SBF2: variants seen among roughly 807,000 people sequenced by gnomAD.
SBF2 encodes the protein SET binding factor 2, also known as myotubularin-related protein 13.
Under a neutral mutation model 225.2 loss-of-function variants are expected in SBF2, and 112 were observed. That is an observed-to-expected ratio of 0.50 (90% confidence interval 0.43 to 0.58). The LOEUF is 0.58. Among genes scored for constraint, SBF2 ranks in the 20% least tolerant of loss-of-function variants. The pLI is 0.00. For synonymous variants in SBF2, 763 were observed against 773.3 expected (o/e 0.99, Z 0.22); for missense variants, 1,996 against 2,206.2 (o/e 0.90, Z 1.91).
At chr11:9,808,555 C>G (rs1019743398) in intron 31 of SBF2, 1 of 410,386 alleles carries the variant, frequency 2.4e-6, no homozygotes, top group African/African-American at 2.0e-5. Flanking sequence ...ACTTTTCACT[C>G]TGGAGTGAGT....
chr11:10,188,614 A>G (rs1184290501), intron 2 of SBF2, among the ~76,000 whole-genome samples: 1 of 152,262 alleles, frequency 6.6e-6, no homozygotes, highest in African/African-American at 2.4e-5. Flanking sequence ...GTTCTAGTAC[A>G]GGATAAACAA....
At chr11:10,265,333 A>C (rs145864763) in intron 1 of SBF2, among the ~76,000 whole-genome samples, 1,634 of 152,196 alleles carry the variant, frequency 0.011, 33 homozygotes, top group African/African-American at 0.037. Context: ...TCTAATGACC[A>C]GTGATGATGA....
chr11:10,071,469 T>C (rs1950874200), intron 2 of SBF2, among the ~76,000 whole-genome samples: 1 of 152,092 alleles, frequency 6.6e-6, no homozygotes. Context: ...GGTTTCACCA[T>C]GTTAGCCAGG....
intron 2 of SBF2, among the ~76,000 whole-genome samples, chr11:10,048,251 C>A (rs529067681): frequency 1.5e-4 from 23 of 152,160 alleles, no homozygotes; most frequent in African/African-American, 5.5e-4. Flanking sequence ...ATTCCATAAC[C>A]CTATATCTCA....
chr11:9,982,097 T>TA (rs1229897729), intron 13 of SBF2, among the ~76,000 whole-genome samples: 1 of 152,246 alleles, frequency 6.6e-6, no homozygotes, highest in African/African-American at 2.4e-5. Flanking sequence ...CCTTTTAACT[T>TA]ACTGCATTTC....
intron 14 of SBF2, among the ~76,000 whole-genome samples, chr11:9,967,982 T>C (rs1470243180): frequency 5.9e-5 from 8 of 135,934 alleles, no homozygotes; most frequent in African/African-American, 2.2e-4. Context: ...TATATATATA[T>C]ATATATATAA....
chr11:9,849,746 T>C (rs763047624), intron 22 of SBF2, among the ~76,000 whole-genome samples: 2 of 152,232 alleles, frequency 1.3e-5, no homozygotes, highest in African/African-American at 4.8e-5. Flanking sequence ...TGAATATCTC[T>C]AGGGTATAAC....
intron 2 of SBF2, among the ~76,000 whole-genome samples, chr11:10,181,126 G>C (rs2135286342): frequency 6.6e-6 from 1 of 152,052 alleles, no homozygotes. Context: ...TTGGAATCTA[G>C]GGCTTAGTCT....
chr11:9,786,564 T>G (rs1852387114), intron 36 of SBF2, among the ~76,000 whole-genome samples: 2 of 152,222 alleles, frequency 1.3e-5, no homozygotes, highest in African/African-American at 4.8e-5. Context: ...CTTCTTGACC[T>G]TTCTGTAACA....
chr11:10,130,495 C>A (rs1565263938), intron 2 of SBF2, among the ~76,000 whole-genome samples: 2 of 152,126 alleles, frequency 1.3e-5, no homozygotes, highest in African/African-American at 2.4e-5. Context: ...CCCCTGTACT[C>A]TTTACTCAGT....
chr11:9,860,391 T>C (rs1185167490), intron 17 of SBF2, among the ~76,000 whole-genome samples: 2 of 151,626 alleles, frequency 1.3e-5, no homozygotes, highest in Admixed American at 6.6e-5. Flanking sequence ...GCCTCCCTAG[T>C]AGCTGTAGTA....
intron 17 of SBF2, among the ~76,000 whole-genome samples, chr11:9,887,130 AT>A (rs1353155234): frequency 6.6e-6 from 1 of 152,024 alleles, no homozygotes; most frequent in Non-Finnish European, 1.5e-5. Context: ...TTTTCATCAT[AT>A]AAAAAAAAAT....
At chr11:9,928,451 A>G (rs1864228249) in intron 16 of SBF2, among the ~76,000 whole-genome samples, 1 of 152,232 alleles carries the variant, frequency 6.6e-6, no homozygotes, top group South Asian at 2.1e-4. Flanking sequence ...GACTACAGGA[A>G]GTGTTGGAGA....
intron 28 of SBF2, among the ~76,000 whole-genome samples, chr11:9,817,761 AAAAAAAC>A (rs1213738726): frequency 3.6e-4 from 53 of 146,136 alleles, no homozygotes; most frequent in African/African-American, 1.2e-3. Flanking sequence ...AAAAAAAAAA[AAAAAAAC>A]TACAAAAAGA....
At chr11:9,939,486 C>G (rs544342263) in intron 16 of SBF2, among the ~76,000 whole-genome samples, 1 of 152,190 alleles carries the variant, frequency 6.6e-6, no homozygotes, top group Non-Finnish European at 1.5e-5. Context: ...TTGACTGATT[C>G]CTGCATCCAT....
At chr11:10,292,297 G>C (rs1354852601) in intron 1 of SBF2, among the ~76,000 whole-genome samples, 2 of 152,202 alleles carry the variant, frequency 1.3e-5, no homozygotes, top group Non-Finnish European at 2.9e-5. Context: ...GGATGACAGG[G>C]CATCAGGTCA....
intron 2 of SBF2, among the ~76,000 whole-genome samples, chr11:10,156,424 T>G (rs4556538): frequency 0.96 from 146,935 of 152,318 alleles, 71,072 homozygotes; most frequent in Middle Eastern, 1. Context: ...TTACCAGGCA[T>G]GAAGGGGCCG....
intron 16 of SBF2, among the ~76,000 whole-genome samples, chr11:9,932,878 G>T (rs924656906): frequency 7.0e-6 from 1 of 142,818 alleles, no homozygotes; most frequent in African/African-American, 2.6e-5. Context: ...GCTCTATTCA[G>T]GAGACCCATC....
intron 16 of SBF2, among the ~76,000 whole-genome samples, chr11:9,912,288 T>C (rs759898361): frequency 1.5e-4 from 19 of 130,312 alleles, no homozygotes; most frequent in Non-Finnish European, 2.9e-4. Flanking sequence ...CTCTATAAAT[T>C]TTTTTTGTTA....
Sources: gnomAD v4.1 joint callset for allele counts (sites outside exome capture counted in the v4.1 genomes callset) on GRCh38, gnomAD v4.1.1 for gene constraint, MANE v1.5 for transcripts, NCBI Gene and HGNC (gene_info 2026-07-23, HGNC 2026-07-21) for gene names.